Variants in CCDC66 observed in about 807,000 individuals in gnomAD.
The protein encoded by CCDC66 is coiled-coil domain-containing protein 66.
A neutral mutation model predicts 128.3 loss-of-function variants in CCDC66; 133 were observed. That is an observed-to-expected ratio of 1.04 (90% CI 0.90 to 1.20). CCDC66 has a LOEUF of 1.20. CCDC66 is among the 50% of genes most tolerant of loss of function. The probability of loss-of-function intolerance (pLI) is 0.00; values close to 1 mark genes in which losing one functional copy is unlikely to be tolerated. For synonymous variants in CCDC66, 387 were observed against 357.0 expected (o/e 1.08, Z -0.95); for missense variants, 1,126 against 1,075.5 (o/e 1.05, Z -0.66).
chr3:56,580,861 T>C (rs1345663760), intron 7 of CCDC66, among the ~76,000 whole-genome samples: 1 of 151,792 alleles, frequency 6.6e-6, no homozygotes, highest in Non-Finnish European at 1.5e-5. Flanking sequence ...TTCTTTCAAC[T>C]TTGGTGAATC....
intron 9 of CCDC66, 55 bp from the exon 10 acceptor site, chr3:56,593,889 C>G: frequency 6.3e-7 from 1 of 1,592,594 alleles, no homozygotes; most frequent in Admixed American, 1.7e-5. Flanking sequence ...AATGATTTAG[C>G]TTGTTGAATC....
intron 7 of CCDC66, among the ~76,000 whole-genome samples, chr3:56,575,926 T>C (rs1424834154): frequency 1.3e-5 from 2 of 151,840 alleles, no homozygotes; most frequent in African/African-American, 4.8e-5. Context: ...ATTCCATTAG[T>C]CTGTCTGTAT....
rs529636859 is a variant in CCDC66, at chr3:56,595,870, C to T, written c.1404+1842C>T. 3.3e-5 allele frequency among the ~76,000 whole-genome samples: 5 copies of T among 152,230 alleles called. No individual in the cohort carries two copies. The East Asian group carries it at 5.8e-4, about 18-fold the overall frequency. On this transcript the variant is annotated intron_variant, in intron 10 of 17. Coordinates refer to ENST00000394672, the MANE Select transcript of CCDC66 (RefSeq NM_001141947.3). ...CAATGTATAAGGATTCCCTTTTCTC[C>T]GCTTCCTTGGCAGTATCTGTTAGTT...
At chr3:56,561,261 A>G (rs2107716022) in intron 3 of CCDC66, 1 of 456,646 alleles carries the variant, frequency 2.2e-6, no homozygotes, top group Non-Finnish European at 4.4e-6. Context: ...CTCCAGGCTG[A>G]TTTGTTATAG....
At chr3:56,565,142 A>T in intron 4 of CCDC66, 1 of 428,724 alleles carries the variant, frequency 2.3e-6, no homozygotes. Context: ...AGCTGGGCAT[A>T]GAGACAATTC....
At chr3:56,563,481 C>G in intron 3 of CCDC66, 1 of 525,028 alleles carries the variant, frequency 1.9e-6, no homozygotes, top group South Asian at 3.1e-5. Context: ...CCTATAACAA[C>G]TATAATAAAA....
At chr3:56,601,263 G>C (rs560792870) in intron 10 of CCDC66, among the ~76,000 whole-genome samples, 1 of 152,180 alleles carries the variant, frequency 6.6e-6, no homozygotes, top group Admixed American at 6.5e-5. Context: ...TGTCAGGTTT[G>C]TCAAAGATCA....
At chr3:56,588,880 G>A (rs966776550) in intron 7 of CCDC66, among the ~76,000 whole-genome samples, 2 of 152,102 alleles carry the variant, frequency 1.3e-5, no homozygotes, top group East Asian at 3.8e-4. Flanking sequence ...TGCTGAGAGG[G>A]AAATTTTTCA....
chr3:56,558,966 T>C, intron 2 of CCDC66, 56 bp downstream of exon 2: 1 of 1,247,906 alleles, frequency 8.0e-7, no homozygotes, highest in Non-Finnish European at 1.1e-6. Flanking sequence ...ACATAAAATT[T>C]ATATTAGTTC....
At chr3:56,566,552 G>A (rs2107788217) in intron 4 of CCDC66, 42 bp from the exon 5 acceptor site, 1 of 1,274,336 alleles carries the variant, frequency 7.8e-7, no homozygotes, top group East Asian at 2.3e-5. Context: ...TATAACAGAT[G>A]TAATTTAGTG....
rs1036184880 is a variant in CCDC66 at position 56,621,692 on chromosome 3, A to C, written c.*74A>C. The C allele has an allele frequency of 2.3e-5, 23 of 995,460 alleles. 1 individual carries two copies. The highest frequency in any genetic ancestry group is 7.3e-5 in the East Asian group (3 of 40,832). 61.7% of individuals were successfully genotyped at this position (995,460 alleles called of 1,614,324 possible). ...AAAATGTGCTCACTGGCTCAACTGTATTTTTCAAATAGCCTAGATTTACTT... is the reference window on the plus strand; with the variant it reads ...AAAATGTGCTCACTGGCTCAACTGTCTTTTTCAAATAGCCTAGATTTACTT... On this transcript the variant is annotated 3_prime_UTR_variant, in exon 18 of 18. Transcript: ENST00000394672.
At chr3:56,603,920 T>C (rs977623016) in intron 10 of CCDC66, among the ~76,000 whole-genome samples, 1 of 152,092 alleles carries the variant, frequency 6.6e-6, no homozygotes, top group Non-Finnish European at 1.5e-5. Context: ...TGTGGGAGTC[T>C]AAGTCTCTTT....
chr3:56,617,926 G>T (rs183425718), intron 14 of CCDC66: 3 of 576,038 alleles, frequency 5.2e-6, no homozygotes, highest in Non-Finnish European at 9.2e-6. Context: ...GTAGATGGAT[G>T]CTGTGTATTC....
intron 10 of CCDC66, among the ~76,000 whole-genome samples, chr3:56,600,848 G>T (rs926453580): frequency 6.6e-6 from 1 of 151,982 alleles, no homozygotes; most frequent in Non-Finnish European, 1.5e-5. Context: ...TTGTAAATTT[G>T]TTTAGGTTCT....
At chr3:56,605,288 T>C (rs993490685) in intron 10 of CCDC66, among the ~76,000 whole-genome samples, 15 of 152,108 alleles carry the variant, frequency 9.9e-5, no homozygotes, top group African/African-American at 3.1e-4. Context: ...GTAAAACTCA[T>C]TCTCTGTCCA....
chr3:56,597,010 T>G (rs1327657751), intron 10 of CCDC66, among the ~76,000 whole-genome samples: 1 of 151,424 alleles, frequency 6.6e-6, no homozygotes, highest in Non-Finnish European at 1.5e-5. Context: ...TCCACCTGCC[T>G]TGCCCTCCCA....
chr3:56,615,833 G>A lies in CCDC66; in HGVS notation c.1712-89G>A, dbSNP rs1349143933. The A allele has an allele frequency of 2.6e-6, 3 of 1,147,026 alleles. No individual in the cohort carries two copies. In the African/African-American group the frequency reaches 4.9e-5, roughly 19 times the overall value. 71.1% of individuals were successfully genotyped at this position (1,147,026 alleles called of 1,614,324 possible). ...TTATTGCAGTGTTCATTCTGATTAA[G>A]TGAAAATTATTGTATTTAGTTGCTG... On this transcript the variant is annotated intron_variant, in intron 12 of 17. Coordinates refer to ENST00000394672, the MANE Select transcript of CCDC66 (RefSeq NM_001141947.3).
intron 4 of CCDC66, among the ~76,000 whole-genome samples, chr3:56,565,374 C>T (rs2065669136): frequency 6.6e-6 from 1 of 151,256 alleles, no homozygotes; most frequent in Non-Finnish European, 1.5e-5. Context: ...CCCGGGTTCA[C>T]ACCATTCTCC....
At chr3:56,588,956 G>T (rs1246178532) in intron 7 of CCDC66, among the ~76,000 whole-genome samples, 1 of 152,112 alleles carries the variant, frequency 6.6e-6, no homozygotes, top group Non-Finnish European at 1.5e-5. Context: ...CATCTCAAGA[G>T]GTTAGAGAAA....
Sources: allele counts gnomAD v4.1 joint callset (sites outside exome capture counted in the v4.1 genomes callset), GRCh38; gene constraint gnomAD v4.1.1; transcripts MANE v1.5; gene names NCBI Gene and HGNC (gene_info 2026-07-23, HGNC 2026-07-21).